The following CCDC83 variants were observed in gnomAD, a reference collection of about 807,000 sequenced individuals.
The protein encoded by CCDC83 is coiled-coil domain-containing protein 83.
CCDC83 carries 54 observed loss-of-function variants against 50.1 expected under a neutral mutation model. That is an observed-to-expected ratio of 1.08 (90% CI 0.87 to 1.35). The LOEUF is 1.35. Among genes scored for constraint, CCDC83 ranks in the 40% most tolerant of loss-of-function variants. The pLI is 0.00. For missense variants in CCDC83, 518 were observed against 473.9 expected, an observed-to-expected ratio of 1.09 and a Z score of -0.86; for synonymous variants, 161 against 153.3, an observed-to-expected ratio of 1.05 and a Z score of -0.37.
intron 1 of CCDC83, among the ~76,000 whole-genome samples, chr11:85,864,091 C>T (rs2093193347): frequency 6.6e-6 from 1 of 152,076 alleles, no homozygotes; most frequent in Non-Finnish European, 1.5e-5. Flanking sequence ...GGATTAAAGC[C>T]CATGTCTGCC....
At chr11:85,917,134 A>AAGAGAGAGAGAGAGAGAGAGAGAG (rs201907138) in intron 10 of CCDC83, among the ~76,000 whole-genome samples, 3 of 77,882 alleles carry the variant, frequency 3.9e-5, no homozygotes, top group African/African-American at 1.2e-4. Flanking sequence ...AAGAAAAAGA[A>AAGAGAGAGAGAGAGAGAGAGAGAG]AGAGAGAGAG....
At chr11:85,918,870 T>C (rs1283609210) in intron 10 of CCDC83, among the ~76,000 whole-genome samples, 3 of 152,210 alleles carry the variant, frequency 2.0e-5, no homozygotes, top group South Asian at 2.1e-4. Context: ...CAGCTGAACA[T>C]AGAGTAGCTA....
intron 4 of CCDC83, among the ~76,000 whole-genome samples, chr11:85,885,324 T>C (rs1283984962): frequency 2.0e-5 from 3 of 152,178 alleles, no homozygotes. Context: ...AATGCTTCAG[T>C]CATTCAACAG....
chr11:85,865,947 G>T (rs767598591), intron 2 of CCDC83, among the ~76,000 whole-genome samples: 1 of 150,350 alleles, frequency 6.7e-6, no homozygotes, highest in Non-Finnish European at 1.5e-5. Context: ...CCCTTTATGT[G>T]ACCTTTTATT....
At chr11:85,889,693 AG>A (rs747770059) in intron 5 of CCDC83, among the ~76,000 whole-genome samples, 10 of 152,294 alleles carry the variant, frequency 6.6e-5, no homozygotes, top group Middle Eastern at 3.4e-3. Flanking sequence ...CCTTCTACAC[AG>A]GCTGCCTTCT....
chr11:85,881,201 T>C (rs999388338), intron 3 of CCDC83, among the ~76,000 whole-genome samples: 1 of 151,974 alleles, frequency 6.6e-6, no homozygotes, highest in Non-Finnish European at 1.5e-5. Context: ...AAATCCCGTC[T>C]CTACTAAAAA....
At chr11:85,883,971 C>A (rs2093314339) in intron 4 of CCDC83, among the ~76,000 whole-genome samples, 1 of 152,184 alleles carries the variant, frequency 6.6e-6, no homozygotes, top group Non-Finnish European at 1.5e-5. Context: ...GTATATTTTG[C>A]ATGACTTCTT....
At chr11:85,911,184 A>AAG in intron 7 of CCDC83, 97 bp from the exon 8 acceptor site, 1 of 1,094,016 alleles carries the variant, frequency 9.1e-7, no homozygotes, top group East Asian at 3.2e-5. Context: ...ATAAAAAAAA[A>AAG]AAAAAAAAGA....
chr11:85,855,293 C>A (rs1041495242), upstream of CCDC83: 5 of 152,816 alleles, frequency 3.3e-5, no homozygotes, highest in Admixed American at 2.6e-4. Context: ...TATAAGCTTC[C>A]CCCCGACCAC....
Position 85,882,569 on chromosome 11 carries a change from G to A in CCDC83, c.237G>A (p.Leu79=). The change falls in exon 4 of 11, where the codon CTG becomes CTA. Residue 79 remains leucine, a synonymous_variant. Transcript: ENST00000342404. ...ACATACGGCATCTACTAAAGGAACT[G>A]AGTGAAGAGAAGGCAGAGGGATTGC... is the stretch of plus-strand genomic sequence containing the variant. ...IWHIRHLLKE[L]SEEKAEGLPV... 1 of 1,613,932 alleles carries A rather than the reference G, an allele frequency of 6.2e-7. No individual in the cohort carries two copies. The highest frequency in any genetic ancestry group is 8.5e-7 in the Non-Finnish European group (1 of 1,179,842).
intron 1 of CCDC83, among the ~76,000 whole-genome samples, chr11:85,862,833 A>G (rs1347962017): frequency 1.3e-5 from 2 of 152,214 alleles, no homozygotes; most frequent in South Asian, 4.1e-4. Flanking sequence ...GGAAAAATGC[A>G]GCTATTAAGC....
chr11:85,885,951 G>A (rs550727689), intron 4 of CCDC83, among the ~76,000 whole-genome samples: 15 of 152,282 alleles, frequency 9.9e-5, no homozygotes, highest in African/African-American at 2.9e-4. Flanking sequence ...TGTCTATTAC[G>A]TCTTTCAATC....
At position 85,919,723 on chromosome 11, in the gene CCDC83, A is replaced by G. The variant is rs2093499720; in HGVS notation, c.*213A>G. On this transcript the variant is annotated 3_prime_UTR_variant, in exon 11 of 11. Coordinates refer to ENST00000342404, the MANE Select transcript of CCDC83 (RefSeq NM_001286159.2). ...AAACGGAAGCACGCTTTGTATTTCT[A>G]CACTGAAGTATTCAGAAGCATGACA... 2 of 502,762 alleles carry G rather than the reference A, an allele frequency of 4.0e-6. No homozygotes were observed. Among genetic ancestry groups the G allele is most frequent in the Non-Finnish European group, 3.5e-6 (1 of 286,044 alleles). The allele number at this position is 502,762 out of a possible 1,614,324, so 31.1% of individuals were successfully genotyped here.
chr11:85,893,255 G>A (rs895137538), intron 5 of CCDC83, among the ~76,000 whole-genome samples: 6 of 152,220 alleles, frequency 3.9e-5, no homozygotes, highest in South Asian at 2.1e-4. Flanking sequence ...AGATATGGAA[G>A]AGAAGTTTTT....
intron 8 of CCDC83, among the ~76,000 whole-genome samples, chr11:85,915,009 T>C (rs1321827161): frequency 6.6e-6 from 1 of 152,126 alleles, no homozygotes; most frequent in Non-Finnish European, 1.5e-5. Context: ...AGGTAACCGC[T>C]CCCATAATTC....
At chr11:85,882,236 G>A (rs2135033612) in intron 3 of CCDC83, among the ~76,000 whole-genome samples, 1 of 152,148 alleles carries the variant, frequency 6.6e-6, no homozygotes, top group East Asian at 1.9e-4. Context: ...CTGGTTCTTG[G>A]TATGATGAGT....
chr11:85,892,818 T>C (rs975893995), intron 5 of CCDC83, among the ~76,000 whole-genome samples: 1 of 152,224 alleles, frequency 6.6e-6, no homozygotes, highest in Non-Finnish European at 1.5e-5. Flanking sequence ...ATTAAAATAT[T>C]CATGAGATTA....
intron 5 of CCDC83, among the ~76,000 whole-genome samples, chr11:85,891,672 T>C (rs1398268018): frequency 1.3e-5 from 2 of 152,230 alleles, no homozygotes; most frequent in Non-Finnish European, 2.9e-5. Flanking sequence ...CTTTGAATGT[T>C]AATTTTCTTG....
chr11:85,890,433 A>C (rs2093346266), intron 5 of CCDC83, among the ~76,000 whole-genome samples: 1 of 152,084 alleles, frequency 6.6e-6, no homozygotes, highest in South Asian at 2.1e-4. Context: ...AAAAACAGGG[A>C]TTTTGTATGT....
Sources: allele counts gnomAD v4.1 joint callset (sites outside exome capture counted in the v4.1 genomes callset), GRCh38; gene constraint gnomAD v4.1.1; transcripts MANE v1.5; gene names NCBI Gene and HGNC (gene_info 2026-07-23, HGNC 2026-07-21).